The following UTRN variants were observed in gnomAD, a reference collection of about 807,000 sequenced individuals.
UTRN encodes the protein utrophin, also known as dystrophin-related protein 1.
UTRN carries 283 observed loss-of-function variants against 463.9 expected under a neutral mutation model. The ratio of observed to expected loss-of-function variants is 0.61; its 90% CI spans 0.55 to 0.67. The LOEUF is 0.67. Ranked by LOEUF, UTRN falls within the 30% of genes least tolerant of loss-of-function variation. UTRN has a pLI of 0.00. For synonymous variants in UTRN, 1,442 were observed against 1,431.5 expected (o/e 1.01, Z -0.17); for missense variants, 3,922 against 4,084.3 (o/e 0.96, Z 1.08).
intron 52 of UTRN, among the ~76,000 whole-genome samples, chr6:144,696,667 AT>A (rs1562780911): frequency 2.6e-5 from 4 of 152,066 alleles, no homozygotes; most frequent in Non-Finnish European, 5.9e-5. Context: ...ATAAACCAAA[AT>A]ATATATATAT....
intron 2 of UTRN, chr6:144,344,361 A>C (rs562157644): frequency 7.7e-7 from 1 of 1,302,812 alleles, no homozygotes; most frequent in Non-Finnish European, 1.0e-6. Flanking sequence ...AGAAACGTCT[A>C]TGAAGACAGG....
At chr6:144,834,276 A>AAT (rs963255905) in intron 69 of UTRN, among the ~76,000 whole-genome samples, 21 of 152,194 alleles carry the variant, frequency 1.4e-4, no homozygotes, top group African/African-American at 4.8e-4. Context: ...CCTTTATTTA[A>AAT]ATATATATAT....
chr6:144,427,089 T>C (rs1785362830), intron 7 of UTRN, among the ~76,000 whole-genome samples: 1 of 152,182 alleles, frequency 6.6e-6, no homozygotes, highest in South Asian at 2.1e-4. Context: ...TTTCATATGG[T>C]TCAACCTAAT....
chr6:144,505,586 G>A (rs1015170326), intron 34 of UTRN, among the ~76,000 whole-genome samples: 2 of 152,194 alleles, frequency 1.3e-5, no homozygotes, highest in Non-Finnish European at 2.9e-5. Context: ...TTAATCCTGA[G>A]TTCTAATTTG....
chr6:144,800,908 G>A (rs1004843440), intron 64 of UTRN, among the ~76,000 whole-genome samples: 4 of 152,106 alleles, frequency 2.6e-5, no homozygotes, highest in Middle Eastern at 3.2e-3. Context: ...AAATAAAGAC[G>A]CATAGTGTGC....
intron 51 of UTRN, among the ~76,000 whole-genome samples, chr6:144,601,774 C>A (rs920776927): frequency 1.2e-4 from 18 of 152,104 alleles, no homozygotes; most frequent in Admixed American, 6.5e-4. Context: ...AGACATCTTT[C>A]ATGAAAGGAA....
chr6:144,383,873 A>G (rs973980737), intron 2 of UTRN, among the ~76,000 whole-genome samples: 18 of 152,228 alleles, frequency 1.2e-4, no homozygotes, highest in Non-Finnish European at 2.6e-4. Context: ...ATATTCTGAA[A>G]GAATGATAGG....
intron 3 of UTRN, among the ~76,000 whole-genome samples, chr6:144,404,745 A>G (rs1783232966): frequency 6.6e-6 from 1 of 152,196 alleles, no homozygotes; most frequent in Non-Finnish European, 1.5e-5. Flanking sequence ...AGAAATAGGT[A>G]GTAAAATAGG....
At chr6:144,608,827 A>T (rs1805161679) in intron 51 of UTRN, among the ~76,000 whole-genome samples, 1 of 152,198 alleles carries the variant, frequency 6.6e-6, no homozygotes, top group South Asian at 2.1e-4. Flanking sequence ...GTTTGAGAAG[A>T]GTAATTTCAT....
chr6:144,391,920 G>A (rs969290728), intron 2 of UTRN, among the ~76,000 whole-genome samples: 4 of 152,204 alleles, frequency 2.6e-5, no homozygotes, highest in African/African-American at 2.4e-5. Context: ...GATTACAGGC[G>A]TGAGCCACTG....
chr6:144,817,943 C>G (rs775888778), intron 65 of UTRN, among the ~76,000 whole-genome samples: 8 of 151,986 alleles, frequency 5.3e-5, no homozygotes, highest in Admixed American at 1.3e-4. Context: ...TTGGGGACAG[C>G]AAGTAGTTGT....
intron 4 of UTRN, 129 bp from the exon 5 acceptor site, chr6:144,423,420 C>A: frequency 1.2e-6 from 1 of 855,956 alleles, no homozygotes; most frequent in East Asian, 2.6e-5. Flanking sequence ...CCTGAGACCT[C>A]AGCCAGATCT....
At chr6:144,571,371 A>G (rs1800922646) in intron 50 of UTRN, among the ~76,000 whole-genome samples, 1 of 152,164 alleles carries the variant, frequency 6.6e-6, no homozygotes, top group African/African-American at 2.4e-5. Context: ...ACCAACAACC[A>G]CTAAGCACTG....
intron 4 of UTRN, 107 bp downstream of exon 4, chr6:144,422,077 C>T (rs542633586): frequency 4.7e-6 from 4 of 857,488 alleles, no homozygotes; most frequent in East Asian, 6.2e-5. Flanking sequence ...ACTTTACGTT[C>T]AAATGTAAAG....
At chr6:144,441,604 G>C (rs567532242) in intron 13 of UTRN, among the ~76,000 whole-genome samples, 1 of 152,312 alleles carries the variant, frequency 6.6e-6, no homozygotes, top group African/African-American at 2.4e-5. Flanking sequence ...AGTGCAAGCT[G>C]TCAGTGGATC....
intron 52 of UTRN, among the ~76,000 whole-genome samples, chr6:144,679,601 C>T (rs900256186): frequency 1.3e-5 from 2 of 152,110 alleles, no homozygotes; most frequent in Non-Finnish European, 2.9e-5. Context: ...CTCATGATTG[C>T]TATGAAGATT....
At chr6:144,777,351 T>G (rs150544133) in intron 60 of UTRN, among the ~76,000 whole-genome samples, 8 of 152,046 alleles carry the variant, frequency 5.3e-5, no homozygotes, top group African/African-American at 1.9e-4. Context: ...AATGAAAAAA[T>G]TAAATGGCAG....
intron 51 of UTRN, among the ~76,000 whole-genome samples, chr6:144,643,880 G>A (rs9497032): frequency 0.047 from 7,188 of 152,078 alleles, 478 homozygotes; most frequent in African/African-American, 0.15. Context: ...CTAGAAACAT[G>A]CACACGTTTT....
intron 65 of UTRN, among the ~76,000 whole-genome samples, chr6:144,806,495 A>C (rs933974335): frequency 4.6e-5 from 7 of 152,174 alleles, no homozygotes; most frequent in Non-Finnish European, 1.0e-4. Context: ...ATAACTAGAA[A>C]TATATGTAAA....
Sources: gnomAD v4.1 joint callset for allele counts (sites outside exome capture counted in the v4.1 genomes callset) on GRCh38, gnomAD v4.1.1 for gene constraint, MANE v1.5 for transcripts, NCBI Gene and HGNC (gene_info 2026-07-23, HGNC 2026-07-21) for gene names.